DOCK4: variants seen among roughly 807,000 people sequenced by gnomAD.
The protein encoded by DOCK4 is dedicator of cytokinesis 4, also known as dedicator of cytokinesis protein 4.
A neutral mutation model predicts 268.1 loss-of-function variants in DOCK4; 97 were observed. That is an observed-to-expected ratio of 0.36 (90% CI 0.31 to 0.43). DOCK4 has a LOEUF of 0.43. DOCK4 is among the 20% of genes least tolerant of loss of function. The pLI is 1.00. For missense variants in DOCK4, 2,145 were observed against 2,455.7 expected (o/e 0.87, Z 2.67); for synonymous variants, 954 against 887.2 (o/e 1.08, Z -1.34).
At chr7:111,859,681 C>T (rs931877123) in intron 23 of DOCK4, among the ~76,000 whole-genome samples, 3 of 149,740 alleles carry the variant, frequency 2.0e-5, no homozygotes, top group African/African-American at 7.4e-5. Context: ...CATTCTCCTG[C>T]CTCAGCCTCC....
chr7:111,863,728 T>C (rs981221538), intron 22 of DOCK4, among the ~76,000 whole-genome samples, 164 bp from the exon 23 acceptor site: 32 of 152,162 alleles, frequency 2.1e-4, no homozygotes, highest in African/African-American at 7.5e-4. Flanking sequence ...TTTTAAAAAG[T>C]GCAGCAGAAT....
intron 1 of DOCK4, among the ~76,000 whole-genome samples, chr7:112,130,061 G>T (rs531134814): frequency 6.6e-6 from 1 of 152,174 alleles, no homozygotes; most frequent in African/African-American, 2.4e-5. Flanking sequence ...ACTCTGCCTG[G>T]AAAGGTCAGG....
intron 1 of DOCK4, among the ~76,000 whole-genome samples, chr7:112,103,913 T>C (rs1810911862): frequency 6.6e-6 from 1 of 152,106 alleles, no homozygotes; most frequent in Non-Finnish European, 1.5e-5. Flanking sequence ...CATAAACTAA[T>C]GAGTGTTCTT....
rs1460745953 is a variant in DOCK4, at chr7:112,155,912, C to G, written c.37+50190G>C. On this transcript the variant is annotated intron_variant, in intron 1 of 52. Transcript: ENST00000428084. ...AACAGTATATAGTGCAATGGAGAAACTATAAATTTTTAATTTTATTTACAT... is the reference window on the plus strand; with the variant it reads ...AACAGTATATAGTGCAATGGAGAAAGTATAAATTTTTAATTTTATTTACAT... Among the ~76,000 whole-genome samples the G allele has an allele frequency of 4.6e-5, 7 of 152,142 alleles. No individual in the cohort carries two copies. In the East Asian group the frequency reaches 1.3e-3, roughly 29 times the overall value.
chr7:112,122,105 C>T (rs1020229977), intron 1 of DOCK4, among the ~76,000 whole-genome samples: 7 of 152,226 alleles, frequency 4.6e-5, no homozygotes, highest in Non-Finnish European at 8.8e-5. Context: ...TTTGCCATTG[C>T]TAATAGATCT....
chr7:111,809,578 T>C (rs1336326421), intron 28 of DOCK4, among the ~76,000 whole-genome samples, 177 bp from the exon 29 acceptor site: 1 of 152,248 alleles, frequency 6.6e-6, no homozygotes, highest in African/African-American at 2.4e-5. Flanking sequence ...TTCATTATAC[T>C]ATTCTCTCTA....
intron 36 of DOCK4, among the ~76,000 whole-genome samples, chr7:111,774,337 A>G (rs868784238): frequency 2.0e-5 from 3 of 152,174 alleles, no homozygotes; most frequent in African/African-American, 7.2e-5. Context: ...GCATGGTGGC[A>G]GGCACCTGTA....
In DOCK4 at chr7:111,977,150, T is replaced by G; in HGVS notation, c.683A>C (p.Lys228Thr). Residue 228 changes from lysine to threonine, a missense_variant, in exon 8 of 53, where the codon AAA becomes ACA. Around this residue, in one of 2 missense-constraint regions of DOCK4, gnomAD observed 1,598 missense variants for 1,986.7 expected, o/e 0.80. Coordinates refer to ENST00000428084, the MANE Select transcript of DOCK4 (RefSeq NM_001363540.2). ...LEVIFSLFDS[K>T]ENRPISERFF... ...CAGGTACCTGATTGGCCGGTTCTCTTTACTGTCAAAGAGTGAGAAGATGAC... is the reference window on the plus strand; with the variant it reads ...CAGGTACCTGATTGGCCGGTTCTCTGTACTGTCAAAGAGTGAGAAGATGAC... 1 of 1,613,282 alleles carries G rather than the reference T, an allele frequency of 6.2e-7. No homozygotes were observed. Among genetic ancestry groups the G allele is most frequent in the African/African-American group, 1.3e-5 (1 of 75,022 alleles).
At chr7:112,192,772 T>C (rs193190620) in intron 1 of DOCK4, among the ~76,000 whole-genome samples, 31 of 152,260 alleles carry the variant, frequency 2.0e-4, no homozygotes, top group African/African-American at 5.5e-4. Context: ...AGCTAGCATA[T>C]TGCCTTATAC....
intron 32 of DOCK4, among the ~76,000 whole-genome samples, chr7:111,787,874 T>G (rs1316055775): frequency 6.6e-6 from 1 of 152,230 alleles, no homozygotes; most frequent in Non-Finnish European, 1.5e-5. Context: ...AAGAAATACT[T>G]TGCACATATG....
intron 19 of DOCK4, 83 bp downstream of exon 19, chr7:111,872,186 G>T: frequency 1.5e-6 from 2 of 1,348,952 alleles, no homozygotes; most frequent in East Asian, 2.5e-5. Context: ...ACATTATTAA[G>T]CACATGTTTC....
chr7:111,871,537 C>A (rs1806430650), intron 20 of DOCK4, among the ~76,000 whole-genome samples: 1 of 152,214 alleles, frequency 6.6e-6, no homozygotes, highest in African/African-American at 2.4e-5. Context: ...CAGTGCCTGG[C>A]AAGCAGCTGG....
intron 26 of DOCK4, among the ~76,000 whole-genome samples, chr7:111,824,276 CTTT>C (rs1563554166): frequency 6.6e-6 from 1 of 152,062 alleles, no homozygotes; most frequent in African/African-American, 2.4e-5. Context: ...TCAGTTGATT[CTTT>C]TGAGTTACTC....
chr7:111,975,468 T>G (rs886234121), intron 8 of DOCK4, among the ~76,000 whole-genome samples: 26 of 152,222 alleles, frequency 1.7e-4, no homozygotes, highest in African/African-American at 5.8e-4. Flanking sequence ...TATCTCTAAA[T>G]AATCTTTCAC....
At chr7:111,881,599 A>G (rs879604057) in intron 16 of DOCK4, among the ~76,000 whole-genome samples, 1 of 152,188 alleles carries the variant, frequency 6.6e-6, no homozygotes, top group Non-Finnish European at 1.5e-5. Context: ...AAGGAAATCA[A>G]TATATCAAAG....
At position 111,869,660 on chromosome 7, in the gene DOCK4, A is replaced by G; in HGVS notation, c.2028-5T>C. 1 of 1,612,188 alleles carries G rather than the reference A, an allele frequency of 6.2e-7. No homozygotes were observed. Among genetic ancestry groups the G allele is most frequent in the Non-Finnish European group, 8.5e-7 (1 of 1,178,530 alleles). On this transcript the variant is annotated splice_region_variant and splice_polypyrimidine_tract_variant and intron_variant, in intron 20 of 52. Transcript: ENST00000428084. ...TTGAGCACTTTGATGAGATCTCTAA[A>G]ATACAGGGGAAAATGTGCAGAATGT...
Position 111,740,971 on chromosome 7 carries a change from G to C in DOCK4, c.5040+123C>G. The C allele has an allele frequency of 2.5e-6, 3 of 1,182,864 alleles. No individual in the cohort carries two copies. In the South Asian group the frequency reaches 4.4e-5, roughly 17 times the overall value. 73.3% of individuals were successfully genotyped at this position (1,182,864 alleles called of 1,614,324 possible). A position where few individuals can be genotyped will look rare whatever the true frequency, so the allele number is the denominator to read the frequency against. On this transcript the variant is annotated intron_variant, in intron 47 of 52. Coordinates refer to ENST00000428084, the MANE Select transcript of DOCK4 (RefSeq NM_001363540.2). ...CATAAAGCAAGAAGAGTGTTTAAAGGTTTGTCCTTAAGCCAAGTTCTTGCT... is the reference window on the plus strand; with the variant it reads ...CATAAAGCAAGAAGAGTGTTTAAAGCTTTGTCCTTAAGCCAAGTTCTTGCT...
intron 12 of DOCK4, among the ~76,000 whole-genome samples, chr7:111,928,590 T>C (rs545286815): frequency 3.5e-4 from 40 of 113,664 alleles, no homozygotes; most frequent in Admixed American, 7.8e-4. Flanking sequence ...CTTTTTCTTT[T>C]TTTTTTTTTT....
At chr7:111,933,102 A>G (rs576450834) in intron 12 of DOCK4, among the ~76,000 whole-genome samples, 4 of 140,084 alleles carry the variant, frequency 2.9e-5, no homozygotes, top group South Asian at 4.3e-4. Context: ...ATATACACAT[A>G]TATATACGTA....
Sources: gnomAD v4.1 joint callset for allele counts (sites outside exome capture counted in the v4.1 genomes callset) on GRCh38, gnomAD v4.1.1 for gene constraint, gnomAD v4.1.1 regional missense constraint, MANE v1.5 for transcripts, NCBI Gene and HGNC (gene_info 2026-07-23, HGNC 2026-07-21) for gene names.